The following PLD5 variants were observed in gnomAD, a reference collection of about 807,000 sequenced individuals.
PLD5 encodes inactive phospholipase D5.
In PLD5, 36 loss-of-function variants were observed where a neutral mutation model predicts 61.1. The observed-to-expected ratio is 0.59, with a 90% confidence interval of 0.45 to 0.78. PLD5 has a LOEUF of 0.78. Among genes scored for constraint, PLD5 ranks in the 30% least tolerant of loss-of-function variants. PLD5 has a pLI of 0.00. For missense variants in PLD5, 515 were observed against 644.4 expected, an observed-to-expected ratio of 0.80 and a Z score of 2.17; for synonymous variants, 243 against 242.8, an observed-to-expected ratio of 1.00 and a Z score of -0.01.
Position 242,164,750 on chromosome 1 carries a change from A to T in PLD5, c.736-40085T>A, listed in dbSNP as rs115324836. Reference sequence around the variant, plus strand: ...ACTTTTGGGAAACACTGCCTAAGTTATCTCACTTGAGCCTCCAATTATGTC... The same window carrying T: ...ACTTTTGGGAAACACTGCCTAAGTTTTCTCACTTGAGCCTCCAATTATGTC... On this transcript the variant is annotated intron_variant, in intron 5 of 9. Coordinates refer to ENST00000536534, the MANE Select transcript of PLD5 (RefSeq NM_001372062.1). Among the ~76,000 whole-genome samples, 414 of 152,234 alleles carry T rather than the reference A, an allele frequency of 2.7e-3. 2 individuals are homozygous for T. The highest frequency in any genetic ancestry group is 9.6e-3 in the African/African-American group (399 of 41,518).
At chr1:242,528,782 A>G (rs985766154), upstream of PLD5, among the ~76,000 whole-genome samples, 10 of 152,232 alleles carry the variant, frequency 6.6e-5, no homozygotes, top group African/African-American at 2.4e-4. Flanking sequence ...AGCCAGGTTC[A>G]TTGACTCTCA....
chr1:242,426,029 A>C (rs973516249), intron 1 of PLD5, among the ~76,000 whole-genome samples: 1 of 152,142 alleles, frequency 6.6e-6, no homozygotes, highest in Admixed American at 6.5e-5. Context: ...ATACAAACAC[A>C]TTGTACTGTT....
At chr1:242,227,406 C>T (rs187401637) in intron 4 of PLD5, among the ~76,000 whole-genome samples, 10 of 152,104 alleles carry the variant, frequency 6.6e-5, no homozygotes, top group African/African-American at 9.6e-5. Context: ...GCTCTGTCAC[C>T]CAGGCTGGGG....
chr1:242,314,694 C>T (rs1205943162), intron 2 of PLD5, among the ~76,000 whole-genome samples: 1 of 152,160 alleles, frequency 6.6e-6, no homozygotes, highest in Non-Finnish European at 1.5e-5. Context: ...ATACCCATAT[C>T]ACCTTGACTG....
intron 5 of PLD5, among the ~76,000 whole-genome samples, chr1:242,198,676 C>A (rs1048152208): frequency 1.5e-5 from 2 of 132,650 alleles, no homozygotes; most frequent in Non-Finnish European, 3.1e-5. Context: ...TGTCAAGTTA[C>A]CACTGGATTC....
At chr1:242,183,067 A>G (rs1259417505) in intron 5 of PLD5, among the ~76,000 whole-genome samples, 1 of 152,200 alleles carries the variant, frequency 6.6e-6, no homozygotes, top group East Asian at 1.9e-4. Context: ...ACTCAAAATT[A>G]TGAGCCTAGT....
At chr1:242,123,578 C>G (rs1662549912) in intron 6 of PLD5, among the ~76,000 whole-genome samples, 1 of 152,200 alleles carries the variant, frequency 6.6e-6, no homozygotes, top group Admixed American at 6.5e-5. Context: ...TCCACTTGCA[C>G]AGCTCTGAGA....
At chr1:242,385,177 A>G (rs911384370) in intron 1 of PLD5, among the ~76,000 whole-genome samples, 5 of 152,222 alleles carry the variant, frequency 3.3e-5, no homozygotes, top group African/African-American at 1.2e-4. Context: ...TCCAGTGATA[A>G]TCAAAAAACA....
At chr1:242,434,803 CG>C (rs1044500573) in intron 1 of PLD5, among the ~76,000 whole-genome samples, 10 of 152,018 alleles carry the variant, frequency 6.6e-5, no homozygotes, top group Non-Finnish European at 1.3e-4. Flanking sequence ...TTAGTAGAGA[CG>C]GGGTTTCACC....
At position 242,207,784 on chromosome 1, in the gene PLD5, T is replaced by A. The variant is rs1473816521; in HGVS notation, c.735+12204A>T. ...TATATTTATATATATTTATATATAT[T>A]TATATTTATATATATTTATATATAT... On this transcript the variant is annotated intron_variant, in intron 5 of 9. Coordinates refer to ENST00000536534, the MANE Select transcript of PLD5 (RefSeq NM_001372062.1). Among the ~76,000 whole-genome samples the A allele has an allele frequency of 8.3e-4, 51 of 61,330 alleles. 1 individual carries two copies. Among genetic ancestry groups the A allele is most frequent in the African/African-American group, 3.8e-3 (31 of 8,084 alleles). 40.2% of individuals were successfully genotyped at this position (61,330 alleles called of 152,430 possible). A position where few individuals can be genotyped will look rare whatever the true frequency, so the allele number is the denominator to read the frequency against.
At chr1:242,269,058 G>T (rs895189692) in intron 3 of PLD5, among the ~76,000 whole-genome samples, 1 of 152,066 alleles carries the variant, frequency 6.6e-6, no homozygotes, top group Non-Finnish European at 1.5e-5. Flanking sequence ...GGCCAGGCTG[G>T]TCTTGAACTC....
At chr1:242,453,548 T>C (rs1448165392) in intron 1 of PLD5, among the ~76,000 whole-genome samples, 1 of 152,130 alleles carries the variant, frequency 6.6e-6, no homozygotes, top group South Asian at 2.1e-4. Flanking sequence ...ACACAGTGTA[T>C]TCATTATTTG....
At chr1:242,214,871 C>CTTTTTTTTTTT (rs71570942) in intron 5 of PLD5, among the ~76,000 whole-genome samples, 8 of 92,482 alleles carry the variant, frequency 8.7e-5, no homozygotes, top group Admixed American at 1.3e-4. Flanking sequence ...CATTAAACAC[C>CTTTTTTTTTTT]TTTTTTTTTT....
At chr1:242,281,898 A>G (rs112903319) in intron 3 of PLD5, among the ~76,000 whole-genome samples, 1 of 152,180 alleles carries the variant, frequency 6.6e-6, no homozygotes, top group African/African-American at 2.4e-5. Flanking sequence ...TTTATAATTA[A>G]TAAATCAAAT....
chr1:242,441,142 T>C (rs556689627), intron 1 of PLD5, among the ~76,000 whole-genome samples: 29 of 152,218 alleles, frequency 1.9e-4, no homozygotes, highest in Admixed American at 3.9e-4. Flanking sequence ...TCAACAAATA[T>C]GTAATGTGCC....
At chr1:242,190,322 A>G (rs1440028368) in intron 5 of PLD5, among the ~76,000 whole-genome samples, 1 of 150,080 alleles carries the variant, frequency 6.7e-6, no homozygotes, top group African/African-American at 2.4e-5. Context: ...ATTTTTTTGT[A>G]CTTTTAGTAG....
At chr1:242,118,155 A>G (rs1267318740) in intron 6 of PLD5, among the ~76,000 whole-genome samples, 1 of 152,198 alleles carries the variant, frequency 6.6e-6, no homozygotes, top group Non-Finnish European at 1.5e-5. Context: ...GGCTTTGGTG[A>G]TACAGGCCAG....
chr1:242,242,183 T>G (rs1351578617), intron 4 of PLD5, among the ~76,000 whole-genome samples: 2 of 151,602 alleles, frequency 1.3e-5, no homozygotes, highest in East Asian at 3.9e-4. Flanking sequence ...GTTAAAAGAG[T>G]GAACGAGTTA....
At position 242,393,524 on chromosome 1, in the gene PLD5, GTATATATGTGAGTATATATATGTGTA is replaced by G. The variant is rs1663091987; in HGVS notation, c.190-45308_190-45283del. Among the ~76,000 whole-genome samples the G allele has an allele frequency of 4.7e-5, 4 of 85,098 alleles. 1 individual carries two copies. Among genetic ancestry groups the G allele is most frequent in the Non-Finnish European group, 8.5e-5 (4 of 47,056 alleles). The allele number at this position is 85,098 out of a possible 152,430, so 55.8% of individuals were successfully genotyped here. A position where few individuals can be genotyped will look rare whatever the true frequency, so the allele number is the denominator to read the frequency against. ...TGTATATATGAGTATATATATATGTGTATATATGTGAGTATATATATGTGTATATATATGAGTATATATGTGTATAT... is the reference window on the plus strand; with the variant it reads ...TGTATATATGAGTATATATATATGTGTATATATGAGTATATATGTGTATAT... On this transcript the variant is annotated intron_variant, in intron 1 of 9. Transcript: ENST00000536534.
Sources: allele counts gnomAD v4.1 joint callset (sites outside exome capture counted in the v4.1 genomes callset), GRCh38; gene constraint gnomAD v4.1.1; transcripts MANE v1.5; gene names NCBI Gene and HGNC (gene_info 2026-07-23, HGNC 2026-07-21).